Variants in ERC1 observed in about 807,000 individuals in gnomAD.
ERC1 encodes the protein RAB6 interacting protein 2.
Under a neutral mutation model 132.0 loss-of-function variants are expected in ERC1, and 56 were observed. The observed-to-expected ratio is 0.42, with a 90% CI of 0.34 to 0.53. ERC1 has a LOEUF of 0.53. ERC1 is among the 20% of genes least tolerant of loss of function. The pLI, the probability that ERC1 is intolerant of heterozygous loss-of-function variation, is 0.03. For synonymous variants in ERC1, 478 were observed against 476.1 expected (o/e 1.00, Z -0.05); for missense variants, 1,202 against 1,349.9 (o/e 0.89, Z 1.72).
chr12:1,175,139 C>T (rs981360892), intron 8 of ERC1, among the ~76,000 whole-genome samples: 1 of 152,166 alleles, frequency 6.6e-6, no homozygotes, highest in Non-Finnish European at 1.5e-5. Flanking sequence ...AATATTCTTG[C>T]TAGTGGAGTG....
chr12:1,196,965 T>C (rs1422705651), intron 12 of ERC1, among the ~76,000 whole-genome samples: 83 of 52,136 alleles, frequency 1.6e-3, no homozygotes, highest in African/African-American at 2.5e-3. Context: ...CACACACATA[T>C]ATATATATAT....
intron 7 of ERC1, among the ~76,000 whole-genome samples, chr12:1,123,771 G>T (rs1947841249): frequency 6.6e-6 from 1 of 152,196 alleles, no homozygotes; most frequent in Admixed American, 6.5e-5. Context: ...GAGGCGGGTG[G>T]ATCACCTGAG....
chr12:1,420,781 A>G lies in ERC1; in HGVS notation c.3024+12534A>G, dbSNP rs1230454201. Among the ~76,000 whole-genome samples, 4 of 152,056 alleles carry G rather than the reference A, an allele frequency of 2.6e-5. No homozygotes were observed. In the East Asian group the frequency reaches 5.8e-4, roughly 22 times the overall value. On this transcript the variant is annotated intron_variant, in intron 17 of 18. Coordinates refer to ENST00000360905, the MANE Select transcript of ERC1 (RefSeq NM_178040.4). ...AGGTTAAACTTTTAAGCAAAACCCTACAGGAGAGTTATCTGGAACTCTTTA... is the reference window on the plus strand; with the variant it reads ...AGGTTAAACTTTTAAGCAAAACCCTGCAGGAGAGTTATCTGGAACTCTTTA...
At position 1,051,656 on chromosome 12, in the gene ERC1, C is replaced by T. The variant is rs1281728742; in HGVS notation, c.669+23084C>T. On this transcript the variant is annotated intron_variant, in intron 2 of 18. Transcript: ENST00000360905. ...ATTGCTGGAGTCCAGGAGGTTGAGGCTGCAGTGAGTCCTGATCCTGTCACT... is the reference window on the plus strand; with the variant it reads ...ATTGCTGGAGTCCAGGAGGTTGAGGTTGCAGTGAGTCCTGATCCTGTCACT... 2.0e-5 allele frequency among the ~76,000 whole-genome samples: 3 copies of T among 151,924 alleles called. No homozygotes were observed. In the East Asian group the frequency reaches 5.8e-4, roughly 29 times the overall value.
Position 1,378,970 on chromosome 12 carries a change from C to T in ERC1, c.2925+6993C>T, listed in dbSNP as rs189359759. ...GGGAAGCACATCACAAAGAACACTA[C>T]TTGCAGGTCAAATATTGACGAATTT... On this transcript the variant is annotated intron_variant, in intron 16 of 18. Transcript: ENST00000360905. 3.3e-5 allele frequency among the ~76,000 whole-genome samples: 5 copies of T among 152,316 alleles called. No individual in the cohort carries two copies. The East Asian group carries it at 9.6e-4, about 29-fold the overall frequency.
At chr12:1,229,552 G>A (rs61911971) in intron 12 of ERC1, among the ~76,000 whole-genome samples, 30,048 of 151,738 alleles carry the variant, frequency 0.2, 3,471 homozygotes, top group Non-Finnish European at 0.27. Flanking sequence ...CAGTCTTTAG[G>A]GTATATGTTT....
At chr12:1,398,055 C>T (rs1160482367) in intron 16 of ERC1, among the ~76,000 whole-genome samples, 3 of 152,178 alleles carry the variant, frequency 2.0e-5, no homozygotes, top group Non-Finnish European at 4.4e-5. Flanking sequence ...ACAGTCACCA[C>T]TCACTGCAGC....
chr12:1,031,414 A>G (rs1968015048), intron 2 of ERC1, among the ~76,000 whole-genome samples: 1 of 152,212 alleles, frequency 6.6e-6, no homozygotes, highest in East Asian at 1.9e-4. Context: ...TCTAATATAT[A>G]TCTAAATCGT....
At chr12:1,258,240 G>A (rs1355951978) in intron 13 of ERC1, among the ~76,000 whole-genome samples, 1 of 152,130 alleles carries the variant, frequency 6.6e-6, no homozygotes, top group Non-Finnish European at 1.5e-5. Context: ...AAGGAATATA[G>A]GGATAGGAGG....
At chr12:1,153,943 A>G (rs1453879167) in intron 8 of ERC1, among the ~76,000 whole-genome samples, 1 of 152,066 alleles carries the variant, frequency 6.6e-6, no homozygotes, top group Non-Finnish European at 1.5e-5. Context: ...GTGTACCTGA[A>G]TAATGTACAT....
At chr12:1,437,998 G>A (rs2092993638) in intron 17 of ERC1, among the ~76,000 whole-genome samples, 1 of 152,192 alleles carries the variant, frequency 6.6e-6, no homozygotes. Context: ...TTTAGAACCA[G>A]ATATTTCTAT....
chr12:1,116,130 A>G (rs753701304), intron 7 of ERC1, 97 bp downstream of exon 7: 2 of 1,035,274 alleles, frequency 1.9e-6, no homozygotes, highest in Non-Finnish European at 2.8e-6. Flanking sequence ...ATTGGGAAAT[A>G]TGAGTAATGT....
At chr12:1,374,894 C>CT (rs1405080685) in intron 16 of ERC1, among the ~76,000 whole-genome samples, 1 of 140,966 alleles carries the variant, frequency 7.1e-6, no homozygotes, top group African/African-American at 2.6e-5. Context: ...AGGCTACAAA[C>CT]TTAAACAGAT....
At chr12:1,211,284 G>A (rs1383978466) in intron 12 of ERC1, among the ~76,000 whole-genome samples, 1 of 152,036 alleles carries the variant, frequency 6.6e-6, no homozygotes, top group African/African-American at 2.4e-5. Flanking sequence ...GAGTAGCTAG[G>A]ATTACAGGCG....
intron 15 of ERC1, among the ~76,000 whole-genome samples, chr12:1,318,592 CATT>C (rs1397750446): frequency 1.3e-5 from 2 of 152,178 alleles, no homozygotes; most frequent in Non-Finnish European, 2.9e-5. Context: ...AAAACTCAAT[CATT>C]AATCCTCTTC....
chr12:1,124,222 G>A (rs1186738200), intron 7 of ERC1, among the ~76,000 whole-genome samples: 8 of 152,124 alleles, frequency 5.3e-5, no homozygotes, highest in Non-Finnish European at 1.2e-4. Flanking sequence ...AACTAACCAT[G>A]TACTGGGTCA....
At position 1,492,973 on chromosome 12, in the gene ERC1, C is replaced by T. The variant is rs547725463; in HGVS notation, c.*2743C>T. On this transcript the variant is annotated 3_prime_UTR_variant, in exon 19 of 19. Transcript: ENST00000360905. ...CTCAGTGCAGGTTGCCCTTAATTTT[C>T]CCCAAACCCCTCCATCGGCAAGTCT... 4.8e-5 allele frequency: 11 copies of T among 226,998 alleles called. No individual in the cohort carries two copies. The East Asian group carries it at 6.9e-4, about 14-fold the overall frequency. 14.1% of individuals were successfully genotyped at this position (226,998 alleles called of 1,614,324 possible).
intron 16 of ERC1, among the ~76,000 whole-genome samples, chr12:1,388,132 C>T (rs1398506974): frequency 3.3e-5 from 5 of 152,070 alleles, no homozygotes; most frequent in Admixed American, 6.5e-5. Flanking sequence ...GAGGCCGAGG[C>T]GGGCGGATCA....
chr12:1,031,633 A>G (rs949420770), intron 2 of ERC1, among the ~76,000 whole-genome samples: 3 of 152,174 alleles, frequency 2.0e-5, no homozygotes, highest in Non-Finnish European at 4.4e-5. Context: ...TTTTTAATCA[A>G]TTATTAAGTT....
Sources: gnomAD v4.1 joint callset for allele counts (sites outside exome capture counted in the v4.1 genomes callset) on GRCh38, gnomAD v4.1.1 for gene constraint, MANE v1.5 for transcripts, NCBI Gene and HGNC (gene_info 2026-07-23, HGNC 2026-07-21) for gene names.